The following POMT2 variants were observed in gnomAD, a reference collection of about 807,000 sequenced individuals.
POMT2 encodes protein O-mannosyltransferase 2, also known as protein O-mannosyl-transferase 2.
In POMT2, 75 loss-of-function variants were observed where a neutral mutation model predicts 100.0. The ratio of observed to expected loss-of-function variants is 0.75; its 90% confidence interval spans 0.62 to 0.91. The LOEUF is 0.91. Ranked by LOEUF, POMT2 falls within the 40% of genes least tolerant of loss-of-function variation. The pLI, the probability that POMT2 is intolerant of heterozygous loss-of-function variation, is 0.00. For synonymous variants in POMT2, 378 were observed against 374.1 expected, an observed-to-expected ratio of 1.01 and a Z score of -0.12; for missense variants, 940 against 955.1, an observed-to-expected ratio of 0.98 and a Z score of 0.21.
In POMT2 at chr14:77,304,789, G is replaced by A; in HGVS notation, c.450C>T (p.Phe150=). Residue 150 remains phenylalanine (F), a synonymous_variant, in exon 4 of 21, where the codon TTC becomes TTT. Transcript: ENST00000261534. ...SYMGMRGFCA[F]LGSWLVPFAY... ...CAAAGGGGACCAGCCAGGAGCCAAG[G>A]AATGCACAGAACTGTGGGAGGAATA... is the stretch of plus-strand genomic sequence containing the variant. 1 of 1,592,094 alleles carries A rather than the reference G, an allele frequency of 6.3e-7. No homozygotes were observed. The highest frequency in any genetic ancestry group is 2.3e-5 in the East Asian group (1 of 44,348).
At chr14:77,318,934 C>T (rs1013026533) in intron 1 of POMT2, among the ~76,000 whole-genome samples, 1 of 152,156 alleles carries the variant, frequency 6.6e-6, no homozygotes, top group Non-Finnish European at 1.5e-5. Flanking sequence ...CGGAGTTTCA[C>T]CATGTTGGCC....
At chr14:77,315,775 G>C (rs1218977859) in intron 1 of POMT2, among the ~76,000 whole-genome samples, 1 of 152,250 alleles carries the variant, frequency 6.6e-6, no homozygotes, top group African/African-American at 2.4e-5. Flanking sequence ...CCTTTGGGAG[G>C]CCGAGGCGGG....
intron 3 of POMT2, chr14:77,306,132 T>G (rs1891221030): frequency 2.6e-6 from 2 of 759,282 alleles, no homozygotes; most frequent in African/African-American, 3.5e-5. Flanking sequence ...ATCTCTGTAT[T>G]ATTTGCAGCC....
At chr14:77,288,463 G>C (rs1365899491) in intron 11 of POMT2, among the ~76,000 whole-genome samples, 1 of 152,028 alleles carries the variant, frequency 6.6e-6, no homozygotes, top group Non-Finnish European at 1.5e-5. Flanking sequence ...TTGAGCCCAG[G>C]ACTCTGAGGC....
chr14:77,281,686 G>C (rs896287314), intron 15 of POMT2, among the ~76,000 whole-genome samples: 4 of 152,144 alleles, frequency 2.6e-5, no homozygotes, highest in Admixed American at 2.6e-4. Flanking sequence ...CCAACATTTC[G>C]GGCTGGATGA....
At chr14:77,296,345 T>A in intron 8 of POMT2, 72 bp from the exon 9 acceptor site, 1 of 1,098,878 alleles carries the variant, frequency 9.1e-7, no homozygotes, top group Non-Finnish European at 1.3e-6. Flanking sequence ...GCGAGGAGCC[T>A]CGGAAGCCAC....
intron 5 of POMT2, among the ~76,000 whole-genome samples, chr14:77,301,724 A>C (rs778881877): frequency 2.0e-5 from 3 of 152,208 alleles, no homozygotes; most frequent in Non-Finnish European, 4.4e-5. Flanking sequence ...ACTACAGCAC[A>C]CAGAGGATCC....
chr14:77,303,851 G>A (rs569631556), intron 4 of POMT2, among the ~76,000 whole-genome samples: 1 of 152,274 alleles, frequency 6.6e-6, no homozygotes, highest in Non-Finnish European at 1.5e-5. Context: ...TCTGCCCCAC[G>A]ATGAGGTAAG....
intron 11 of POMT2, chr14:77,287,491 T>C (rs1890469813): frequency 6.7e-6 from 1 of 150,304 alleles, no homozygotes; most frequent in Non-Finnish European, 1.5e-5. Context: ...AAAAAAACCA[T>C]AGCTAATTGC....
intron 9 of POMT2, among the ~76,000 whole-genome samples, chr14:77,292,483 G>A (rs576495220): frequency 2.6e-4 from 39 of 152,314 alleles, no homozygotes; most frequent in South Asian, 6.2e-4. Context: ...CAGCTTATGC[G>A]TTGGGGAGAC....
chr14:77,285,314 A>G (rs1341769973), intron 13 of POMT2, 167 bp downstream of exon 13: 1 of 907,028 alleles, frequency 1.1e-6, no homozygotes, highest in East Asian at 2.6e-5. Flanking sequence ...GCTCCCCCGG[A>G]GTTCTGTGCT....
intron 15 of POMT2, 88 bp downstream of exon 15, chr14:77,283,709 A>G: frequency 8.7e-7 from 1 of 1,143,946 alleles, no homozygotes; most frequent in Middle Eastern, 2.1e-4. Flanking sequence ...GGGGGAATGG[A>G]TCTGTAGCAT....
intron 7 of POMT2, 38 bp from the exon 8 acceptor site, chr14:77,298,809 A>G (rs1890922518): frequency 6.3e-7 from 1 of 1,578,666 alleles, no homozygotes; most frequent in African/African-American, 1.3e-5. Flanking sequence ...GTCAAGTTAA[A>G]GGAGTGAAAG....
At chr14:77,278,176 A>C (rs1890047519) in intron 20 of POMT2, 1 of 571,902 alleles carries the variant, frequency 1.7e-6, no homozygotes, top group African/African-American at 1.9e-5. Flanking sequence ...CAGAAGGGGA[A>C]AAGGCAGAGT....
chr14:77,298,643 GAC>G (rs1890914776), intron 8 of POMT2, 44 bp downstream of exon 8: 2 of 1,600,742 alleles, frequency 1.2e-6, no homozygotes, highest in African/African-American at 2.7e-5. Context: ...CAACTCCCAG[GAC>G]ACCCCTCTGC....
At chr14:77,306,190 G>A in intron 3 of POMT2, 147 bp downstream of exon 3, 2 of 1,386,280 alleles carry the variant, frequency 1.4e-6, no homozygotes, top group Middle Eastern at 2.4e-4. Flanking sequence ...TACACCACAG[G>A]GGAGGGTCTG....
chr14:77,306,875 C>A, intron 2 of POMT2: 1 of 226,432 alleles, frequency 4.4e-6, no homozygotes, highest in South Asian at 6.4e-5. Flanking sequence ...AGAAAAGAGA[C>A]CAAGGAGCTA....
At position 77,278,997 on chromosome 14, in the gene POMT2, A is replaced by G. The variant is rs779397439; in HGVS notation, c.1892-128T>C. On this transcript the variant is annotated intron_variant, in intron 18 of 20. Coordinates refer to ENST00000261534, the MANE Select transcript of POMT2 (RefSeq NM_013382.7). ...TCATATCACCTCATTGGACCAACCC[A>G]AACCACGCTACAGAAACTGGAGAGG... is the stretch of plus-strand genomic sequence containing the variant. The G allele has an allele frequency of 7.2e-6, 9 of 1,244,330 alleles. No homozygotes were observed. In the South Asian group the frequency reaches 1.2e-4, roughly 16 times the overall value. 77.1% of individuals were successfully genotyped at this position (1,244,330 alleles called of 1,614,324 possible).
intron 14 of POMT2, chr14:77,284,166 TCTC>T (rs1890333407): frequency 1.9e-5 from 8 of 424,868 alleles, no homozygotes; most frequent in South Asian, 1.7e-4. Context: ...CAAATGCTGC[TCTC>T]CTATTAGGCA....
Sources: allele counts gnomAD v4.1 joint callset (sites outside exome capture counted in the v4.1 genomes callset), GRCh38; gene constraint gnomAD v4.1.1; transcripts MANE v1.5; gene names NCBI Gene and HGNC (gene_info 2026-07-23, HGNC 2026-07-21).